Variants in ATP10A observed in about 807,000 individuals in gnomAD.
ATP10A encodes phospholipid-transporting ATPase VA.
In ATP10A, 111 loss-of-function variants were observed where a neutral mutation model predicts 147.8. That is an observed-to-expected ratio of 0.75 (90% confidence interval 0.64 to 0.88). The LOEUF is 0.88. ATP10A is among the 40% of genes least tolerant of loss of function. The pLI, the probability that ATP10A is intolerant of heterozygous loss-of-function variation, is 0.00. For missense variants in ATP10A, 1,927 were observed against 1,959.0 expected, an observed-to-expected ratio of 0.98 and a Z score of 0.31; for synonymous variants, 875 against 841.6, an observed-to-expected ratio of 1.04 and a Z score of -0.69.
chr15:25,862,104 G>A, intron 1 of ATP10A: 1 of 351,326 alleles, frequency 2.8e-6, no homozygotes, highest in South Asian at 2.0e-5. Context: ...CACAGTGGAG[G>A]ATGGACACTG....
intron 1 of ATP10A, among the ~76,000 whole-genome samples, chr15:25,800,958 C>A (rs1890910424): frequency 6.6e-6 from 1 of 152,192 alleles, no homozygotes. Context: ...GATGCTGACG[C>A]TGCTCCTGGC....
At chr15:25,754,042 C>T (rs1888291293) in intron 2 of ATP10A, among the ~76,000 whole-genome samples, 1 of 152,176 alleles carries the variant, frequency 6.6e-6, no homozygotes, top group Non-Finnish European at 1.5e-5. Flanking sequence ...TCAAGCAATC[C>T]TCCTGCATCG....
chr15:25,784,887 A>G (rs1373987018), intron 1 of ATP10A, among the ~76,000 whole-genome samples: 1 of 150,744 alleles, frequency 6.6e-6, no homozygotes, highest in Non-Finnish European at 1.5e-5. Flanking sequence ...GCGCCACTGC[A>G]CTCCAGCCTG....
rs1893845124 is a variant in ATP10A, at chr15:25,863,016, C to G, written c.81G>C (p.Val27=). ...CCGGGGGCGGCAGCAGGTTGGAGCG[C>G]ACCGTGCGCGTCCTGCCCTCTCGGC... ...RRRREGRTRT[V]RSNLLPPPGA... is the part of the protein sequence containing the mutation. Residue 27 remains valine (V), a synonymous_variant, in exon 1 of 21, where the codon GTG becomes GTC. Coordinates refer to ENST00000555815, the MANE Select transcript of ATP10A (RefSeq NM_024490.4). 3 of 1,364,248 alleles carry G rather than the reference C, an allele frequency of 2.2e-6. No individual in the cohort carries two copies. In the South Asian group the frequency reaches 5.3e-5, roughly 24 times the overall value. 84.5% of individuals were successfully genotyped at this position (1,364,248 alleles called of 1,614,324 possible). A position where few individuals can be genotyped will look rare whatever the true frequency, so the allele number is the denominator to read the frequency against.
At chr15:25,823,918 G>A (rs927314836) in intron 1 of ATP10A, among the ~76,000 whole-genome samples, 14 of 152,186 alleles carry the variant, frequency 9.2e-5, no homozygotes, top group African/African-American at 3.4e-4. Flanking sequence ...ATTAGGCTCT[G>A]CAGGTCATGT....
At chr15:25,699,929 CT>C (rs1333841909) in intron 13 of ATP10A, among the ~76,000 whole-genome samples, 1 of 151,828 alleles carries the variant, frequency 6.6e-6, no homozygotes, top group African/African-American at 2.4e-5. Context: ...AAACTAAAAG[CT>C]TTTGTGAAAG....
chr15:25,716,864 G>C lies in ATP10A; in HGVS notation c.1642C>G (p.Leu548Val), dbSNP rs1223749017. 1.2e-6 allele frequency: 2 copies of C among 1,608,854 alleles called. No homozygotes were observed. The highest frequency in any genetic ancestry group is 1.7e-6 in the Non-Finnish European group (2 of 1,177,738). The stretch of plus-strand genomic sequence containing the variant: ...TGCTCCTGATGCCTCGCCACGGCTA[G>C]GCTCTTGTCACACTCACTCACCTTC... ...LEKVSECDKSLAVARHQEHLL... is the reference protein window; with the variant it reads ...LEKVSECDKSVAVARHQEHLL... The change falls in exon 9 of 21, where the codon CTA becomes GTA. Residue 548 changes from leucine to valine, a missense_variant. Physicochemically the swap from Leu to Val is conservative, Grantham distance 32. Transcript: ENST00000555815.
chr15:25,786,546 C>T (rs1208579468), intron 1 of ATP10A, among the ~76,000 whole-genome samples: 1 of 149,548 alleles, frequency 6.7e-6, no homozygotes, highest in African/African-American at 2.5e-5. Flanking sequence ...GAGCTTGGGA[C>T]AGGTCTTTAG....
At chr15:25,694,675 T>C in intron 14 of ATP10A, 144 bp downstream of exon 14, 1 of 762,296 alleles carries the variant, frequency 1.3e-6, no homozygotes, top group Non-Finnish European at 2.1e-6. Context: ...CGGAACATGT[T>C]GCCTGCTCTA....
At chr15:25,826,974 T>C (rs998538601) in intron 1 of ATP10A, among the ~76,000 whole-genome samples, 4 of 152,118 alleles carry the variant, frequency 2.6e-5, no homozygotes, top group Admixed American at 2.0e-4. Flanking sequence ...CCCAAAACCC[T>C]ACATTCGGTA....
chr15:25,768,611 T>A (rs529638189), intron 2 of ATP10A, among the ~76,000 whole-genome samples: 42 of 150,376 alleles, frequency 2.8e-4, no homozygotes, highest in African/African-American at 1.0e-3. Context: ...TGGCACAATC[T>A]AGGCTTACTG....
chr15:25,765,206 T>C (rs753951283), intron 2 of ATP10A, among the ~76,000 whole-genome samples: 1 of 152,138 alleles, frequency 6.6e-6, no homozygotes, highest in Non-Finnish European at 1.5e-5. Context: ...TGGCACAGCC[T>C]GGTGGCTTCG....
chr15:25,691,892 C>T (rs1900057698), intron 14 of ATP10A, 101 bp from the exon 15 acceptor site: 1 of 1,367,102 alleles, frequency 7.3e-7, no homozygotes, highest in Non-Finnish European at 1.0e-6. Flanking sequence ...GAACTCAGTC[C>T]TGTGAAAGCG....
intron 2 of ATP10A, among the ~76,000 whole-genome samples, chr15:25,766,257 C>T (rs925268474): frequency 6.6e-6 from 1 of 152,274 alleles, no homozygotes; most frequent in East Asian, 1.9e-4. Context: ...CCGGGAGATA[C>T]AATTCAAGTT....
At chr15:25,672,715 G>GT (rs1899066630), downstream of ATP10A, among the ~76,000 whole-genome samples, 1 of 152,142 alleles carries the variant, frequency 6.6e-6, no homozygotes, top group Admixed American at 6.5e-5. Flanking sequence ...TCTCACTGTG[G>GT]TTTTGTCTTT....
At chr15:25,839,397 G>A (rs1187621905) in intron 1 of ATP10A, among the ~76,000 whole-genome samples, 1 of 151,962 alleles carries the variant, frequency 6.6e-6, no homozygotes, top group Non-Finnish European at 1.5e-5. Context: ...CAGGTCTGGG[G>A]GAAAAAAAGC....
chr15:25,717,320 T>C lies in ATP10A; in HGVS notation c.1582-396A>G, dbSNP rs184177241. Reference sequence around the variant, plus strand: ...GAAAATGGATATGTCATCATTTATTTGACCATCCCTTTATCACTGGATATT... The same window carrying C: ...GAAAATGGATATGTCATCATTTATTCGACCATCCCTTTATCACTGGATATT... On this transcript the variant is annotated intron_variant, in intron 8 of 20. Transcript: ENST00000555815. 3.0e-4 allele frequency among the ~76,000 whole-genome samples: 46 copies of C among 152,352 alleles called. No individual in the cohort carries two copies. The East Asian group carries it at 7.7e-3, about 26-fold the overall frequency.
intron 2 of ATP10A, among the ~76,000 whole-genome samples, chr15:25,740,042 G>T (rs1039089024): frequency 1.3e-5 from 2 of 152,174 alleles, no homozygotes; most frequent in Non-Finnish European, 2.9e-5. Flanking sequence ...TGGGGGAGGC[G>T]TGTGTCTAAT....
chr15:25,794,172 T>G (rs535235851), intron 1 of ATP10A, among the ~76,000 whole-genome samples: 6 of 152,204 alleles, frequency 3.9e-5, no homozygotes, highest in Non-Finnish European at 7.3e-5. Flanking sequence ...TTCTCACTCA[T>G]GTGAAGGTGG....
Sources: gnomAD v4.1 joint callset for allele counts (sites outside exome capture counted in the v4.1 genomes callset) on GRCh38, gnomAD v4.1.1 for gene constraint, MANE v1.5 for transcripts, NCBI Gene and HGNC (gene_info 2026-07-23, HGNC 2026-07-21) for gene names.